Variants in TLL2 observed in about 807,000 individuals in gnomAD.
TLL2 encodes the protein tolloid-like protein 2.
Under a neutral mutation model 123.0 loss-of-function variants are expected in TLL2, and 106 were observed. The ratio of observed to expected loss-of-function variants is 0.86; its 90% CI spans 0.74 to 1.01. The LOEUF (loss-of-function observed/expected upper bound fraction) is 1.01, where lower values mean the gene tolerates loss of function less well. Ranked by LOEUF, TLL2 falls within the 50% of genes least tolerant of loss-of-function variation. TLL2 has a pLI of 0.00. For missense variants in TLL2, 1,332 were observed against 1,336.7 expected, an observed-to-expected ratio of 1.00 and a Z score of 0.06; for synonymous variants, 494 against 516.8, an observed-to-expected ratio of 0.96 and a Z score of 0.60.
intron 9 of TLL2, among the ~76,000 whole-genome samples, chr10:96,410,134 T>TTA (rs1347690584): frequency 6.6e-6 from 1 of 152,180 alleles, no homozygotes; most frequent in Non-Finnish European, 1.5e-5. Flanking sequence ...TGAGCTTGAT[T>TTA]TATAACTCAG....
At position 96,446,182 on chromosome 10, in the gene TLL2, G is replaced by A. The variant is rs371290627; in HGVS notation, c.287-14C>T. On this transcript the variant is annotated splice_polypyrimidine_tract_variant and intron_variant, in intron 2 of 20. Coordinates refer to ENST00000357947, the MANE Select transcript of TLL2 (RefSeq NM_012465.4). ...CTTCAAGCCCACCTAGAGGAATGGA[G>A]AAGAAAGAGGCATGAGGACACATCA... 1.9e-6 allele frequency: 3 copies of A among 1,613,802 alleles called. No individual in the cohort carries two copies. In the African/African-American group the frequency reaches 4.0e-5, roughly 22 times the overall value.
intron 3 of TLL2, among the ~76,000 whole-genome samples, chr10:96,438,166 T>C (rs545836631): frequency 2.0e-5 from 3 of 152,230 alleles, no homozygotes; most frequent in Admixed American, 1.3e-4. Flanking sequence ...CATGTTGAGA[T>C]AGAAATTGCA....
At chr10:96,502,095 C>T (rs1847538861) in intron 1 of TLL2, among the ~76,000 whole-genome samples, 1 of 152,092 alleles carries the variant, frequency 6.6e-6, no homozygotes, top group African/African-American at 2.4e-5. Flanking sequence ...GGGGAAATGA[C>T]ATGTAAGCTG....
chr10:96,428,406 C>G (rs1217959994), intron 5 of TLL2, among the ~76,000 whole-genome samples: 5 of 152,200 alleles, frequency 3.3e-5, no homozygotes, highest in Non-Finnish European at 7.3e-5. Context: ...TGTTGCTCTT[C>G]TAGTGCCAGT....
At chr10:96,378,903 C>A in intron 17 of TLL2, 64 bp downstream of exon 17, 1 of 1,600,062 alleles carries the variant, frequency 6.2e-7, no homozygotes, top group Non-Finnish European at 8.5e-7. Flanking sequence ...TGCACATGCA[C>A]ACAGGGGCAT....
chr10:96,386,270 G>C, intron 14 of TLL2, 55 bp from the exon 15 acceptor site: 1 of 1,470,216 alleles, frequency 6.8e-7, no homozygotes, highest in South Asian at 1.5e-5. Flanking sequence ...AGGTGACTGT[G>C]ATTTCCCACC....
rs201588650 is a variant in TLL2 at position 96,368,094 on chromosome 10, C to T, written c.3042G>A (p.Lys1014=). Residue 1014 remains lysine, a synonymous_variant, in exon 21 of 21, where the codon AAG becomes AAA. Coordinates refer to ENST00000357947, the MANE Select transcript of TLL2 (RefSeq NM_012465.4). The stretch of plus-strand genomic sequence containing the variant: ...TCTTTCAAGAACATCAGCACTATTT[C>T]TTCATGTGCAGGGCATCCTGGAACT... The part of the protein sequence containing the change: ...STKFQDALHM[K]K The T allele has an allele frequency of 1.2e-4, 191 of 1,614,116 alleles. No individual in the cohort carries two copies. The East Asian group carries it at 4.2e-3, about 35-fold the overall frequency.
intron 16 of TLL2, among the ~76,000 whole-genome samples, chr10:96,379,374 G>A (rs1405778939): frequency 6.6e-6 from 1 of 152,172 alleles, no homozygotes; most frequent in Non-Finnish European, 1.5e-5. Context: ...TAAAGGACAG[G>A]CTTGTATTAA....
chr10:96,474,486 A>G (rs1463446738), intron 2 of TLL2, among the ~76,000 whole-genome samples: 8 of 152,110 alleles, frequency 5.3e-5, no homozygotes, highest in East Asian at 1.9e-4. Flanking sequence ...TATGTGTAGA[A>G]TGGGGACTTT....
At chr10:96,382,637 C>T (rs529200246) in intron 16 of TLL2, among the ~76,000 whole-genome samples, 18 of 152,328 alleles carry the variant, frequency 1.2e-4, no homozygotes, top group Admixed American at 7.8e-4. Flanking sequence ...GCAGGAGTGG[C>T]GTCCTGACAA....
chr10:96,394,142 G>C (rs1216541926), intron 13 of TLL2, among the ~76,000 whole-genome samples: 1 of 152,194 alleles, frequency 6.6e-6, no homozygotes, highest in African/African-American at 2.4e-5. Flanking sequence ...GAGGGACTGG[G>C]ATTTCTGTGC....
intron 4 of TLL2, among the ~76,000 whole-genome samples, chr10:96,429,570 C>G (rs1447862802): frequency 6.6e-6 from 1 of 152,146 alleles, no homozygotes; most frequent in African/African-American, 2.4e-5. Flanking sequence ...ATTTTCCAAA[C>G]TTTTACAAAA....
chr10:96,469,978 C>T (rs543066962), intron 2 of TLL2, among the ~76,000 whole-genome samples: 10 of 152,012 alleles, frequency 6.6e-5, no homozygotes, highest in South Asian at 6.3e-4. Flanking sequence ...CTCTTGTGGG[C>T]GGGGCAGGGT....
Position 96,424,960 on chromosome 10 carries a change from T to C in TLL2, c.639-2233A>G, listed in dbSNP as rs142057695. On this transcript the variant is annotated intron_variant, in intron 5 of 20. Transcript: ENST00000357947. ...TTTTCTTTAATACTTACATCTTTGA[T>C]CTAGCTAGAATAGTTATCGGTATAA... Among the ~76,000 whole-genome samples, 97 of 151,832 alleles carry C rather than the reference T, an allele frequency of 6.4e-4. 1 individual carries two copies. The East Asian group carries it at 0.018, about 27-fold the overall frequency.
chr10:96,446,797 T>G (rs1272706818), intron 2 of TLL2, among the ~76,000 whole-genome samples: 1 of 152,200 alleles, frequency 6.6e-6, no homozygotes, highest in Admixed American at 6.5e-5. Context: ...TGTTAACATT[T>G]GTCTCTACCA....
chr10:96,414,412 G>C (rs1024684094), intron 7 of TLL2, among the ~76,000 whole-genome samples: 3 of 152,048 alleles, frequency 2.0e-5, no homozygotes, highest in Non-Finnish European at 4.4e-5. Context: ...TCCAATCTCC[G>C]TCTGCCCTCT....
At chr10:96,379,175 C>A in intron 16 of TLL2, 83 bp from the exon 17 acceptor site, 1 of 1,546,416 alleles carries the variant, frequency 6.5e-7, no homozygotes, top group East Asian at 2.3e-5. Flanking sequence ...TTAAAAGTGG[C>A]CTCCTCTGGG....
intron 9 of TLL2, 57 bp downstream of exon 9, chr10:96,410,302 C>G (rs771565682): frequency 7.5e-7 from 1 of 1,325,874 alleles, no homozygotes; most frequent in Non-Finnish European, 1.1e-6. Flanking sequence ...AGAACTCCTC[C>G]CACCTCACCC....
intron 2 of TLL2, among the ~76,000 whole-genome samples, chr10:96,447,872 A>G (rs1218292072): frequency 2.6e-5 from 4 of 152,148 alleles, no homozygotes; most frequent in Non-Finnish European, 1.5e-5. Flanking sequence ...CCAGCCCATC[A>G]GGGAAGCTAA....
Sources: gnomAD v4.1 joint callset for allele counts (sites outside exome capture counted in the v4.1 genomes callset) on GRCh38, gnomAD v4.1.1 for gene constraint, MANE v1.5 for transcripts, NCBI Gene and HGNC (gene_info 2026-07-23, HGNC 2026-07-21) for gene names.